Variants in ENC1 observed in about 807,000 individuals in gnomAD.
ENC1 encodes ectoderm-neural cortex protein 1.
ENC1 carries 19 observed loss-of-function variants against 40.9 expected under a neutral mutation model. The ratio of observed to expected loss-of-function variants is 0.46; its 90% CI spans 0.32 to 0.68. The LOEUF is 0.68. Among genes scored for constraint, ENC1 ranks in the 30% least tolerant of loss-of-function variants. ENC1 has a pLI of 0.03. For missense variants in ENC1, 479 were observed against 737.5 expected, an observed-to-expected ratio of 0.65 and a Z score of 4.06; for synonymous variants, 285 against 291.1, an observed-to-expected ratio of 0.98 and a Z score of 0.21.
At chr5:74,633,673 GTA>G (rs1377597176) in intron 2 of ENC1, among the ~76,000 whole-genome samples, 1 of 152,184 alleles carries the variant, frequency 6.6e-6, no homozygotes, top group African/African-American at 2.4e-5. Context: ...TATAAATGAA[GTA>G]TCACCTGGGA....
chr5:74,636,520 A>C lies in ENC1; in HGVS notation c.-13-22T>G, dbSNP rs761681652. The C allele has an allele frequency of 3.1e-6, 4 of 1,310,714 alleles. No homozygotes were observed. The highest frequency in any genetic ancestry group is 2.1e-5 in the Admixed American group (1 of 48,040). 81.2% of individuals were successfully genotyped at this position (1,310,714 alleles called of 1,614,324 possible). A position where few individuals can be genotyped will look rare whatever the true frequency, so the allele number is the denominator to read the frequency against. Reference sequence around the variant, plus strand: ...ACTCCTAAAAATAATAATAATAATAAATTGAAAATGATGCTCCTGATGTTC... The same window carrying C: ...ACTCCTAAAAATAATAATAATAATACATTGAAAATGATGCTCCTGATGTTC... On this transcript the variant is annotated intron_variant, in intron 1 of 2. Transcript: ENST00000302351. This position sits in a 1 kb window ranked among gnomAD's most constrained non-coding sequence, Gnocchi z 4.8.
Position 74,629,692 on chromosome 5 carries a change from G to C in ENC1, c.*333C>G, listed in dbSNP as rs1259477297. On this transcript the variant is annotated 3_prime_UTR_variant, in exon 3 of 3. Transcript: ENST00000302351. Reference sequence around the variant, plus strand: ...GAAATCAAATGCTGAATATGGTACAGCAAGGGAAAAGGTCCAGCTTTTCTC... The same window carrying C: ...GAAATCAAATGCTGAATATGGTACACCAAGGGAAAAGGTCCAGCTTTTCTC... 6.6e-6 allele frequency: 1 copy of C among 152,228 alleles called. No individual in the cohort carries two copies. Among genetic ancestry groups the C allele is most frequent in the East Asian group, 1.9e-4 (1 of 5,202 alleles). The allele number at this position is 152,228 out of a possible 1,614,324, so 9.4% of individuals were successfully genotyped here.
At chr5:74,634,136 G>A (rs369390530) in intron 2 of ENC1, among the ~76,000 whole-genome samples, 6 of 152,122 alleles carry the variant, frequency 3.9e-5, no homozygotes, top group Non-Finnish European at 7.3e-5. Flanking sequence ...CTTCAGGGCC[G>A]GGTGCGGTGG....
At chr5:74,630,995 C>T (rs1210844266) in intron 2 of ENC1, among the ~76,000 whole-genome samples, 5 of 152,102 alleles carry the variant, frequency 3.3e-5, no homozygotes, top group South Asian at 2.1e-4. Flanking sequence ...CCTTAGACTA[C>T]GGTGTCATTG....
At chr5:74,639,745 C>A (rs1747766615) in intron 1 of ENC1, among the ~76,000 whole-genome samples, 1 of 152,156 alleles carries the variant, frequency 6.6e-6, no homozygotes, top group South Asian at 2.1e-4. Context: ...CCAGGCCCAC[C>A]AATTCCTATC....
Position 74,635,375 on chromosome 5 carries a change from C to T in ENC1, c.1111G>A (p.Ala371Thr). 1.2e-6 allele frequency: 2 copies of T among 1,614,194 alleles called. No individual in the cohort carries two copies. Among genetic ancestry groups the T allele is most frequent in the Non-Finnish European group, 1.7e-6 (2 of 1,180,034 alleles). ...AACCTGGCCACCAGCATGGGGGCAGCCTTGGACCACTCCTCGTGCAGGGTA... is the reference window on the plus strand; with the variant it reads ...AACCTGGCCACCAGCATGGGGGCAGTCTTGGACCACTCCTCGTGCAGGGTA... ...YDTLHEEWSK[A>T]APMLVARFGH... Residue 371 changes from alanine to threonine, a missense_variant, in exon 2 of 3, where the codon GCT (alanine) becomes ACT (threonine). Physicochemically the swap from Ala to Thr is moderately conservative, Grantham distance 58. Coordinates refer to ENST00000302351, the MANE Select transcript of ENC1 (RefSeq NM_003633.4). This position sits in a 1 kb window ranked among gnomAD's most constrained non-coding sequence, Gnocchi z 5.5.
chr5:74,636,381 G>A lies in ENC1; in HGVS notation c.105C>T (p.His35=). 1.2e-6 allele frequency: 2 copies of A among 1,614,136 alleles called. No homozygotes were observed. The highest frequency in any genetic ancestry group is 1.7e-6 in the Non-Finnish European group (2 of 1,180,008). ...KSSYADSVLT[H]LNLLRQQRLF... is the part of the protein sequence containing the mutation. ...GACGCTGCTGGCGTAAAAGATTCAG[G>A]TGAGTGAGGACGCTGTCAGCGTAGG... The change falls in exon 2 of 3, where the codon CAC becomes CAT. Residue 35 remains histidine, a synonymous_variant. Coordinates refer to ENST00000302351, the MANE Select transcript of ENC1 (RefSeq NM_003633.4). The surrounding 1 kb of genome is among the most constrained non-coding windows in gnomAD (Gnocchi z 4.8).
intron 2 of ENC1, among the ~76,000 whole-genome samples, chr5:74,630,929 T>C (rs1174953674): frequency 6.6e-6 from 1 of 152,196 alleles, no homozygotes; most frequent in African/African-American, 2.4e-5. Flanking sequence ...CTGATTCATT[T>C]CATGAGTTGT....
At chr5:74,630,201 C>T (rs1047594517) in intron 2 of ENC1, among the ~76,000 whole-genome samples, 11 of 152,170 alleles carry the variant, frequency 7.2e-5, no homozygotes, top group Non-Finnish European at 1.6e-4. Flanking sequence ...AATGCACACA[C>T]GTGTGCACGT....
At chr5:74,632,158 T>G (rs558516282) in intron 2 of ENC1, 1 of 152,296 alleles carries the variant, frequency 6.6e-6, no homozygotes, top group Non-Finnish European at 1.5e-5. Context: ...CCAGCCAGCC[T>G]GCCCATTGTC....
rs1747524016 is a variant in ENC1 at position 74,634,983 on chromosome 5, T to C, written c.1503A>G (p.Thr501=). ...GNQIFIMGGD[T]EFSACSAYKF... ...TATAAGCAGAGCAGGCAGAGAATTCTGTATCACCCCCCATAATAAAAATCT... is the reference window on the plus strand; with the variant it reads ...TATAAGCAGAGCAGGCAGAGAATTCCGTATCACCCCCCATAATAAAAATCT... The change falls in exon 2 of 3, where the codon ACA becomes ACG. Residue 501 remains threonine (T), a synonymous_variant. Coordinates refer to ENST00000302351, the MANE Select transcript of ENC1 (RefSeq NM_003633.4). 1.2e-6 allele frequency: 2 copies of C among 1,614,198 alleles called. No individual in the cohort carries two copies. Among genetic ancestry groups the C allele is most frequent in the Non-Finnish European group, 1.7e-6 (2 of 1,180,032 alleles).
At chr5:74,631,555 G>A (rs998169573) in intron 2 of ENC1, among the ~76,000 whole-genome samples, 3 of 152,154 alleles carry the variant, frequency 2.0e-5, no homozygotes, top group East Asian at 1.9e-4. Context: ...TCTCCCTGTC[G>A]GAAATTCAAA....
intron 1 of ENC1, among the ~76,000 whole-genome samples, chr5:74,638,428 G>T (rs1500135): frequency 0.75 from 114,686 of 152,124 alleles, 43,297 homozygotes; most frequent in Middle Eastern, 0.86. Flanking sequence ...AAACATGGCT[G>T]AGTGGAAGAA....
chr5:74,627,546 T>C lies in ENC1; in HGVS notation c.*2479A>G, dbSNP rs866009727. 6.6e-6 allele frequency: 1 copy of C among 152,586 alleles called. No homozygotes were observed. The allele number at this position is 152,586 out of a possible 1,614,324, so 9.5% of individuals were successfully genotyped here. A position where few individuals can be genotyped will look rare whatever the true frequency, so the allele number is the denominator to read the frequency against. ...AACATGAACATTTTCCTTCAACTTA[T>C]ACAGAGTTTTGTACGTGAACCACAT... On this transcript the variant is annotated 3_prime_UTR_variant, in exon 3 of 3. Transcript: ENST00000302351.
intron 1 of ENC1, among the ~76,000 whole-genome samples, chr5:74,638,792 T>C (rs1028116150): frequency 2.0e-5 from 3 of 152,226 alleles, no homozygotes; most frequent in Admixed American, 6.5e-5. Flanking sequence ...ATCTGCCGCC[T>C]CTCTCAGAGC....
chr5:74,633,740 G>A (rs1747470804), intron 2 of ENC1, among the ~76,000 whole-genome samples: 1 of 152,184 alleles, frequency 6.6e-6, no homozygotes, highest in African/African-American at 2.4e-5. Flanking sequence ...AGTGCAACAC[G>A]ATGCTCCAGT....
At position 74,635,098 on chromosome 5, in the gene ENC1, T is replaced by C. The variant is rs1469984682; in HGVS notation, c.1388A>G (p.Gln463Arg). 1 of 1,614,234 alleles carries C rather than the reference T, an allele frequency of 6.2e-7. No homozygotes were observed. Among genetic ancestry groups the C allele is most frequent in the African/African-American group, 1.3e-5 (1 of 75,056 alleles). Residue 463 changes from glutamine (Q) to arginine (R), a missense_variant, in exon 2 of 3, where the codon CAG becomes CGG. Transcript: ENST00000302351. The surrounding 1 kb of genome is among the most constrained non-coding windows in gnomAD (Gnocchi z 5.5). ...SVSHDKLPKV[Q>R]CYDQCENRWT... Reference sequence around the variant, plus strand: ...CCTGTTTTCACACTGATCGTAACACTGAACTTTGGGGAGCTTGTCATGACT... The same window carrying C: ...CCTGTTTTCACACTGATCGTAACACCGAACTTTGGGGAGCTTGTCATGACT...
intron 2 of ENC1, among the ~76,000 whole-genome samples, chr5:74,631,739 A>G (rs2112017348): frequency 6.6e-6 from 1 of 152,332 alleles, no homozygotes; most frequent in East Asian, 1.9e-4. Flanking sequence ...CCGGAAGGGT[A>G]TGATTCAGTT....
At chr5:74,638,631 A>T (rs1005253447) in intron 1 of ENC1, among the ~76,000 whole-genome samples, 1 of 152,250 alleles carries the variant, frequency 6.6e-6, no homozygotes, top group Non-Finnish European at 1.5e-5. Context: ...ACCTATGGGA[A>T]TGCATCAGGT....
Sources: allele counts gnomAD v4.1 joint callset (sites outside exome capture counted in the v4.1 genomes callset), GRCh38; gene constraint gnomAD v4.1.1; non-coding constraint Gnocchi (gnomAD v3.1); transcripts MANE v1.5; gene names NCBI Gene and HGNC (gene_info 2026-07-23, HGNC 2026-07-21).